The following FUT9 variants were observed in gnomAD, a reference collection of about 807,000 sequenced individuals.
The protein encoded by FUT9 is fucosyltransferase 9, also known as 4-galactosyl-N-acetylglucosaminide 3-alpha-L-fucosyltransferase 9.
In FUT9, 15 loss-of-function variants were observed where a neutral mutation model predicts 29.7. That is an observed-to-expected ratio of 0.51 (90% confidence interval 0.34 to 0.78). The LOEUF (loss-of-function observed/expected upper bound fraction) is 0.78, where lower values mean the gene tolerates loss of function less well. FUT9 is among the 30% of genes least tolerant of loss of function. The pLI is 0.01. For missense variants in FUT9, 319 were observed against 425.4 expected (o/e 0.75, Z 2.20); for synonymous variants, 169 against 153.7 (o/e 1.10, Z -0.74).
intron 2 of FUT9, among the ~76,000 whole-genome samples, chr6:96,122,257 T>C (rs752529836): frequency 1.4e-3 from 207 of 152,318 alleles, no homozygotes; most frequent in Middle Eastern, 6.8e-3. Context: ...AAATCTCTAG[T>C]GCAGAAGTCC....
chr6:96,058,843 C>T (rs1255269592), intron 1 of FUT9, among the ~76,000 whole-genome samples: 2 of 152,060 alleles, frequency 1.3e-5, no homozygotes, highest in East Asian at 1.9e-4. Context: ...GAATTTTGTA[C>T]ACTTGCAAAT....
At chr6:96,064,398 C>G (rs1770927731) in intron 1 of FUT9, among the ~76,000 whole-genome samples, 1 of 152,018 alleles carries the variant, frequency 6.6e-6, no homozygotes, top group Non-Finnish European at 1.5e-5. Flanking sequence ...ATTCATCACC[C>G]CATACTGGCA....
chr6:96,111,856 C>T (rs1771815033), intron 1 of FUT9, among the ~76,000 whole-genome samples: 1 of 152,076 alleles, frequency 6.6e-6, no homozygotes, highest in Non-Finnish European at 1.5e-5. Flanking sequence ...TATGCCTCTT[C>T]TCTAGTTTTT....
At chr6:96,200,263 G>A (rs575308286) in intron 2 of FUT9, among the ~76,000 whole-genome samples, 6 of 152,212 alleles carry the variant, frequency 3.9e-5, no homozygotes, top group South Asian at 2.1e-4. Context: ...TCAACTCATC[G>A]TTAAATAGTT....
chr6:96,018,492 G>A (rs1027293481), intron 1 of FUT9, among the ~76,000 whole-genome samples: 5 of 152,084 alleles, frequency 3.3e-5, no homozygotes, highest in Non-Finnish European at 5.9e-5. Context: ...AGGATTTAAT[G>A]TCATTGGCAT....
intron 2 of FUT9, among the ~76,000 whole-genome samples, chr6:96,141,257 G>C (rs760968106): frequency 6.6e-6 from 1 of 151,950 alleles, no homozygotes; most frequent in Non-Finnish European, 1.5e-5. Context: ...AGAATATATA[G>C]GCTTTTGTAT....
rs192493954 is a variant in FUT9 at position 96,032,962 on chromosome 6, C to G, written c.-98+16750C>G. Among the ~76,000 whole-genome samples the G allele has an allele frequency of 8.0e-3, 1,212 of 151,720 alleles. 11 individuals carry two copies. Among genetic ancestry groups the G allele is most frequent in the Non-Finnish European group, 0.011 (772 of 67,714 alleles). On this transcript the variant is annotated intron_variant, in intron 1 of 2. Coordinates refer to ENST00000302103, the MANE Select transcript of FUT9 (RefSeq NM_006581.4). ...CTTCAGGCCAGATTTGCATCCTGTT[C>G]AACTCGGCATGACGGTTTTTGACGG...
At chr6:96,067,029 C>A (rs991886808) in intron 1 of FUT9, among the ~76,000 whole-genome samples, 1 of 151,690 alleles carries the variant, frequency 6.6e-6, no homozygotes, top group African/African-American at 2.4e-5. Flanking sequence ...TGAATAGCTG[C>A]CATGTGCAGA....
chr6:96,199,174 G>A (rs1773683910), intron 2 of FUT9, among the ~76,000 whole-genome samples: 1 of 152,062 alleles, frequency 6.6e-6, no homozygotes, highest in South Asian at 2.1e-4. Context: ...TGCTATCTCT[G>A]GTGAGCTATA....
chr6:96,201,364 T>G (rs1462118121), intron 2 of FUT9, among the ~76,000 whole-genome samples: 1 of 152,000 alleles, frequency 6.6e-6, no homozygotes, highest in African/African-American at 2.4e-5. Flanking sequence ...TTTTTGGTAT[T>G]ACATTTGAAT....
chr6:96,177,519 A>G (rs1773225795), intron 2 of FUT9, among the ~76,000 whole-genome samples: 1 of 152,142 alleles, frequency 6.6e-6, no homozygotes, highest in Non-Finnish European at 1.5e-5. Context: ...CAGAAAACCT[A>G]TCTGTTTCTG....
rs891723449 is a variant in FUT9, at chr6:96,058,610, C to T, written c.-98+42398C>T. 2.6e-5 allele frequency among the ~76,000 whole-genome samples: 4 copies of T among 151,640 alleles called. No individual in the cohort carries two copies. In the East Asian group the frequency reaches 7.8e-4, roughly 30 times the overall value. ...CATAATAATTTCAGGTAAAAAAATACAAACGAATGTTTGAAGAACCAAATA... is the reference window on the plus strand; with the variant it reads ...CATAATAATTTCAGGTAAAAAAATATAAACGAATGTTTGAAGAACCAAATA... On this transcript the variant is annotated intron_variant, in intron 1 of 2. Coordinates refer to ENST00000302103, the MANE Select transcript of FUT9 (RefSeq NM_006581.4).
chr6:96,091,229 C>T (rs575021037), intron 1 of FUT9, among the ~76,000 whole-genome samples: 15 of 152,092 alleles, frequency 9.9e-5, no homozygotes, highest in South Asian at 2.1e-4. Flanking sequence ...GCGTTATTTA[C>T]GTATTCTTCC....
At chr6:96,020,412 T>C (rs1467406097) in intron 1 of FUT9, among the ~76,000 whole-genome samples, 2 of 152,172 alleles carry the variant, frequency 1.3e-5, no homozygotes, top group African/African-American at 2.4e-5. Context: ...CATATGTTTA[T>C]TTATTTTTAA....
chr6:96,142,652 G>A (rs1043685145), intron 2 of FUT9, among the ~76,000 whole-genome samples: 1 of 150,026 alleles, frequency 6.7e-6, no homozygotes, highest in African/African-American at 2.4e-5. Context: ...TTTTCTGTAT[G>A]CAGATCTATT....
At chr6:96,202,560 T>A (rs1168543072) in intron 2 of FUT9, among the ~76,000 whole-genome samples, 1 of 152,206 alleles carries the variant, frequency 6.6e-6, no homozygotes, top group South Asian at 2.1e-4. Flanking sequence ...TACTTGTTTT[T>A]TAAAAATGTA....
chr6:96,079,388 T>A (rs183998815), intron 1 of FUT9, among the ~76,000 whole-genome samples: 1 of 152,322 alleles, frequency 6.6e-6, no homozygotes, highest in Non-Finnish European at 1.5e-5. Flanking sequence ...GTTAAGTCAG[T>A]TACTATTCTT....
At chr6:96,194,227 G>A (rs77256510) in intron 2 of FUT9, among the ~76,000 whole-genome samples, 13 of 152,084 alleles carry the variant, frequency 8.5e-5, no homozygotes, top group African/African-American at 1.9e-4. Flanking sequence ...TTTAGTGTAC[G>A]TCAGAACTAC....
rs182289591 is a variant in FUT9, at chr6:96,214,798, A to G, written c.*10563A>G. 1.7e-3 allele frequency: 283 copies of G among 167,084 alleles called. No individual in the cohort carries two copies. The highest frequency in any genetic ancestry group is 2.4e-3 in the Non-Finnish European group (160 of 68,046). 10.4% of individuals were successfully genotyped at this position (167,084 alleles called of 1,614,324 possible). A position where few individuals can be genotyped will look rare whatever the true frequency, so the allele number is the denominator to read the frequency against. Reference sequence around the variant, plus strand: ...AGGTAATTTCATTGCTATGTTATTAAAATGATGGGAATCCTATTTATACAT... The same window carrying G: ...AGGTAATTTCATTGCTATGTTATTAGAATGATGGGAATCCTATTTATACAT... On this transcript the variant is annotated 3_prime_UTR_variant, in exon 3 of 3. Transcript: ENST00000302103.
Sources: allele counts gnomAD v4.1 joint callset (sites outside exome capture counted in the v4.1 genomes callset), GRCh38; gene constraint gnomAD v4.1.1; transcripts MANE v1.5; gene names NCBI Gene and HGNC (gene_info 2026-07-23, HGNC 2026-07-21).